The following USP7 variants were observed in gnomAD, a reference collection of about 807,000 sequenced individuals.
The protein encoded by USP7 is ubiquitin C-terminal hydrolase 7.
In USP7, 9 loss-of-function variants were observed where a neutral mutation model predicts 162.9. The observed-to-expected ratio is 0.06, with a 90% CI of 0.03 to 0.10. The LOEUF is 0.10. Ranked by LOEUF, USP7 falls within the 10% of genes least tolerant of loss-of-function variation. USP7 has a pLI of 1.00. For missense variants in USP7, 715 were observed against 1,373.7 expected, an observed-to-expected ratio of 0.52 and a Z score of 7.58; for synonymous variants, 562 against 475.9, an observed-to-expected ratio of 1.18 and a Z score of -2.35.
chr16:8,937,130 A>T (rs911343626), intron 1 of USP7, among the ~76,000 whole-genome samples: 2 of 152,174 alleles, frequency 1.3e-5, no homozygotes, highest in Non-Finnish European at 2.9e-5. Context: ...ACCTTACCAC[A>T]CATCAGTAAT....
At chr16:8,937,212 T>TA (rs1555469287) in intron 1 of USP7, among the ~76,000 whole-genome samples, 101 of 149,894 alleles carry the variant, frequency 6.7e-4, no homozygotes, top group Middle Eastern at 3.4e-3. Flanking sequence ...CTGTCTTTTT[T>TA]TAAAAAAAAA....
In USP7 at chr16:8,915,537, T is replaced by C. The variant is rs763738080; in HGVS notation, c.907-12A>G. ...ACATTATCGAGCAACTGAAAAAGAA[T>C]GTTTTGGCTTTAAAAAAACTTTTTT... On this transcript the variant is annotated splice_polypyrimidine_tract_variant and intron_variant, in intron 8 of 30. Transcript: ENST00000344836. 1.9e-6 allele frequency: 3 copies of C among 1,611,394 alleles called. No individual in the cohort carries two copies. The highest frequency in any genetic ancestry group is 2.5e-6 in the Non-Finnish European group (3 of 1,179,434).
chr16:8,905,059 C>G, intron 14 of USP7, 128 bp downstream of exon 14: 5 of 1,187,250 alleles, frequency 4.2e-6, no homozygotes, highest in Non-Finnish European at 6.0e-6. Context: ...CTGCTCATTT[C>G]TGCGCTGCTG....
At chr16:8,922,538 G>C (rs1040473425) in intron 3 of USP7, among the ~76,000 whole-genome samples, 1 of 152,164 alleles carries the variant, frequency 6.6e-6, no homozygotes, top group African/African-American at 2.4e-5. Flanking sequence ...TCACTCTGGG[G>C]AACATGTTAC....
chr16:8,945,856 G>T (rs1899251459), intron 1 of USP7, among the ~76,000 whole-genome samples: 1 of 151,834 alleles, frequency 6.6e-6, no homozygotes. Context: ...TCAGAAACCA[G>T]CCTGGGCAAC....
intron 1 of USP7, among the ~76,000 whole-genome samples, 180 bp from the exon 2 acceptor site, chr16:8,930,577 GC>G (rs1898264425): frequency 1.3e-5 from 2 of 151,794 alleles, no homozygotes; most frequent in African/African-American, 4.8e-5. Context: ...ACAAACTTTC[GC>G]TGTTTCGAAA....
chr16:8,917,133 C>T lies in USP7; in HGVS notation c.744G>A (p.Glu248=), dbSNP rs373219567. 384 of 1,612,898 alleles carry T rather than the reference C, an allele frequency of 2.4e-4. No homozygotes were observed. Among genetic ancestry groups the T allele is most frequent in the Non-Finnish European group, 3.0e-4 (349 of 1,179,780 alleles). The change falls in exon 7 of 31, where the codon GAG becomes GAA. Residue 248 remains glutamate (E), a synonymous_variant. Transcript: ENST00000344836. Reference sequence around the variant, plus strand: ...GGACGCTTTTAGACGAATCATCCCCCTCGGTTGGCATCATGTACACAGCCT... The same window carrying T: ...GGACGCTTTTAGACGAATCATCCCCTTCGGTTGGCATCATGTACACAGCCT... ...LRKAVYMMPT[E]GDDSSKSVPL... is the part of the protein sequence containing the mutation.
At chr16:8,896,665 G>C (rs181753770) in intron 26 of USP7, among the ~76,000 whole-genome samples, 7 of 152,232 alleles carry the variant, frequency 4.6e-5, no homozygotes, top group Non-Finnish European at 1.5e-5. Flanking sequence ...TCCTCTGTTT[G>C]GCTTTTCTAT....
intron 1 of USP7, among the ~76,000 whole-genome samples, chr16:8,951,207 AT>A (rs1899530484): frequency 6.6e-6 from 1 of 152,286 alleles, no homozygotes; most frequent in Non-Finnish European, 1.5e-5. Flanking sequence ...TACAAACTAA[AT>A]ATTGTTTCCA....
In USP7 at chr16:8,904,537, A is replaced by G. The variant is rs149281364; in HGVS notation, c.1602T>C (p.His534=). 852 of 1,614,126 alleles carry G rather than the reference A, an allele frequency of 5.3e-4. 1 individual carries two copies. Among genetic ancestry groups the G allele is most frequent in the Non-Finnish European group, 6.5e-4 (769 of 1,180,032 alleles). The change falls in exon 15 of 31, where the codon CAT becomes CAC. Residue 534 remains histidine (H), a synonymous_variant. Coordinates refer to ENST00000344836, the MANE Select transcript of USP7 (RefSeq NM_003470.3). ...GCTCCACCAACTGCTGAGGAATATC[A>G]TGGTCGGTGACCGCCTGTAAAACTT... ...LSEVLQAVTD[H]DIPQQLVERL...
rs753532187 is a variant in USP7 at position 8,934,038 on chromosome 16, G to A, written c.80-3641C>T. 7.2e-5 allele frequency among the ~76,000 whole-genome samples: 11 copies of A among 152,212 alleles called. No homozygotes were observed. The South Asian group carries it at 1.7e-3, about 23-fold the overall frequency. On this transcript the variant is annotated intron_variant, in intron 1 of 30. Coordinates refer to ENST00000344836, the MANE Select transcript of USP7 (RefSeq NM_003470.3). ...TCCCAAAAGTGCTGAGATTACAGGC[G>A]TGAAACACCACGCCTGGCCTATAAA...
At chr16:8,901,292 AAAC>A (rs2061769793) in intron 18 of USP7, 58 bp from the exon 19 acceptor site, 7 of 1,186,484 alleles carry the variant, frequency 5.9e-6, no homozygotes, top group Middle Eastern at 4.0e-4. Flanking sequence ...AATGCTTAAA[AAAC>A]AAAAAAACAA....
intron 1 of USP7, among the ~76,000 whole-genome samples, chr16:8,957,878 G>GA (rs1178129281): frequency 6.6e-6 from 1 of 152,040 alleles, no homozygotes; most frequent in African/African-American, 2.4e-5. Context: ...TCTTTGTCTG[G>GA]AAAACGGGCT....
At chr16:8,913,661 G>A (rs955654186) in intron 10 of USP7, among the ~76,000 whole-genome samples, 5 of 152,046 alleles carry the variant, frequency 3.3e-5, no homozygotes, top group African/African-American at 9.7e-5. Flanking sequence ...GATTCCTAAC[G>A]AGAATCCATA....
intron 18 of USP7, chr16:8,901,821 G>A (rs1314492427): frequency 6.4e-6 from 3 of 466,224 alleles, no homozygotes; most frequent in Non-Finnish European, 7.6e-6. Flanking sequence ...TCTGACCAAC[G>A]TGATTAGCAC....
intron 1 of USP7, among the ~76,000 whole-genome samples, chr16:8,937,610 C>T (rs928886034): frequency 9.2e-5 from 14 of 151,926 alleles, no homozygotes; most frequent in African/African-American, 2.9e-4. Context: ...TGAGGTGGGA[C>T]GTAAAGGCTG....
intron 3 of USP7, among the ~76,000 whole-genome samples, chr16:8,921,754 G>A (rs1052151018): frequency 2.6e-5 from 4 of 152,118 alleles, no homozygotes; most frequent in East Asian, 3.9e-4. Context: ...CGGCATCGAC[G>A]AATTCACGAT....
intron 1 of USP7, among the ~76,000 whole-genome samples, chr16:8,961,112 C>G (rs554543494): frequency 6.6e-6 from 1 of 152,128 alleles, no homozygotes; most frequent in Non-Finnish European, 1.5e-5. Context: ...GAAAATAAAG[C>G]TTCATTTTAT....
intron 15 of USP7, 22 bp from the exon 16 acceptor site, chr16:8,903,424 C>A (rs1261653458): frequency 6.2e-7 from 1 of 1,607,676 alleles, no homozygotes; most frequent in Non-Finnish European, 8.5e-7. Flanking sequence ...TATGAAAGCA[C>A]AGAAAAGACT....
Sources: gnomAD v4.1 joint callset for allele counts (sites outside exome capture counted in the v4.1 genomes callset) on GRCh38, gnomAD v4.1.1 for gene constraint, MANE v1.5 for transcripts, NCBI Gene and HGNC (gene_info 2026-07-23, HGNC 2026-07-21) for gene names.